Variants in RALGPS1 observed in about 807,000 individuals in gnomAD.
The protein encoded by RALGPS1 is Ral GEF with PH domain and SH3 binding motif 1, also known as ras-specific guanine nucleotide-releasing factor RalGPS1.
Under a neutral mutation model 78.8 loss-of-function variants are expected in RALGPS1, and 19 were observed. That is an observed-to-expected ratio of 0.24 (90% confidence interval 0.17 to 0.35). The LOEUF (loss-of-function observed/expected upper bound fraction) is 0.35, where lower values mean the gene tolerates loss of function less well. Among genes scored for constraint, RALGPS1 ranks in the 10% least tolerant of loss-of-function variants. The pLI is 1.00. For synonymous variants in RALGPS1, 228 were observed against 256.3 expected (o/e 0.89, Z 1.06); for missense variants, 454 against 688.3 (o/e 0.66, Z 3.81).
At chr9:126,919,699 A>G (rs1464760100) in intron 1 of RALGPS1, among the ~76,000 whole-genome samples, 2 of 152,222 alleles carry the variant, frequency 1.3e-5, no homozygotes, top group Admixed American at 6.5e-5. Context: ...ATGAGCTGCT[A>G]TGTTATTAAT....
chr9:126,989,207 T>G (rs2042064306), intron 4 of RALGPS1, among the ~76,000 whole-genome samples: 1 of 151,612 alleles, frequency 6.6e-6, no homozygotes, highest in Non-Finnish European at 1.5e-5. Flanking sequence ...GATTTCAGAG[T>G]TCAGGGTCTT....
chr9:127,190,354 G>T (rs746074128), intron 11 of RALGPS1, among the ~76,000 whole-genome samples: 10 of 152,092 alleles, frequency 6.6e-5, no homozygotes, highest in Non-Finnish European at 1.2e-4. Flanking sequence ...TTGAGACAGG[G>T]TCTCAGTTGC....
intron 4 of RALGPS1, among the ~76,000 whole-genome samples, chr9:127,009,338 A>T (rs886170537): frequency 6.6e-6 from 1 of 151,982 alleles, no homozygotes; most frequent in Non-Finnish European, 1.5e-5. Flanking sequence ...GGGATCATCC[A>T]TCTCCCTTTA....
intron 2 of RALGPS1, among the ~76,000 whole-genome samples, chr9:126,965,056 A>G (rs1208506949): frequency 1.3e-5 from 2 of 152,214 alleles, no homozygotes; most frequent in Non-Finnish European, 2.9e-5. Flanking sequence ...TATATTCAAC[A>G]TTCTGGGATC....
intron 1 of RALGPS1, among the ~76,000 whole-genome samples, chr9:126,940,379 T>C (rs949646986): frequency 1.3e-5 from 2 of 151,894 alleles, no homozygotes; most frequent in Non-Finnish European, 2.9e-5. Context: ...TACTGAATAG[T>C]GTTTATGTTT....
At chr9:127,059,502 T>C (rs1483157784) in intron 7 of RALGPS1, among the ~76,000 whole-genome samples, 1 of 152,196 alleles carries the variant, frequency 6.6e-6, no homozygotes, top group African/African-American at 2.4e-5. Flanking sequence ...AAAATCTCTT[T>C]TCCCTTGGCT....
intron 8 of RALGPS1, among the ~76,000 whole-genome samples, chr9:127,142,571 C>T (rs756545930): frequency 6.6e-5 from 10 of 152,124 alleles, no homozygotes; most frequent in Non-Finnish European, 1.2e-4. Flanking sequence ...GGACTCCCTC[C>T]GCAGGAGGGC....
intron 3 of RALGPS1, among the ~76,000 whole-genome samples, chr9:126,968,347 G>A (rs1453538290): frequency 4.6e-5 from 7 of 152,222 alleles, no homozygotes; most frequent in East Asian, 1.9e-4. Context: ...CATATCATTT[G>A]CTCCCAATTT....
chr9:127,110,408 T>C (rs2054681497), intron 8 of RALGPS1, among the ~76,000 whole-genome samples: 1 of 152,228 alleles, frequency 6.6e-6, no homozygotes, highest in South Asian at 2.1e-4. Flanking sequence ...CTCATATTCC[T>C]GTCCTTTCTC....
intron 5 of RALGPS1, among the ~76,000 whole-genome samples, chr9:127,046,458 A>G (rs1448450956): frequency 6.6e-6 from 1 of 152,182 alleles, no homozygotes; most frequent in Non-Finnish European, 1.5e-5. Flanking sequence ...TAGGGAGACT[A>G]TACCTTAAAC....
chr9:126,998,289 C>T (rs1177881403), intron 4 of RALGPS1, among the ~76,000 whole-genome samples: 1 of 152,068 alleles, frequency 6.6e-6, no homozygotes, highest in Non-Finnish European at 1.5e-5. Flanking sequence ...AGGGCTAATA[C>T]CTAGAATCTA....
intron 7 of RALGPS1, among the ~76,000 whole-genome samples, chr9:127,063,348 C>T (rs1444805340): frequency 1.3e-5 from 2 of 152,144 alleles, no homozygotes; most frequent in East Asian, 1.9e-4. Flanking sequence ...CTTTTGACCT[C>T]GTGGTTTGTG....
intron 7 of RALGPS1, among the ~76,000 whole-genome samples, chr9:127,054,180 G>A (rs1054985012): frequency 6.6e-6 from 1 of 152,212 alleles, no homozygotes; most frequent in Non-Finnish European, 1.5e-5. Context: ...AAGCAAGTTT[G>A]GAAGCCACCG....
At chr9:126,946,741 C>T (rs2037310540) in intron 1 of RALGPS1, among the ~76,000 whole-genome samples, 1 of 151,946 alleles carries the variant, frequency 6.6e-6, no homozygotes, top group African/African-American at 2.4e-5. Flanking sequence ...GTAGACCACC[C>T]TCATTTCTTC....
chr9:127,022,371 A>G (rs2045537742), intron 4 of RALGPS1, among the ~76,000 whole-genome samples: 1 of 152,120 alleles, frequency 6.6e-6, no homozygotes, highest in Admixed American at 6.5e-5. Flanking sequence ...TGATTCTAGT[A>G]TAGTAGAAGG....
chr9:126,960,595 G>A (rs1402981388), intron 1 of RALGPS1, among the ~76,000 whole-genome samples: 2 of 152,062 alleles, frequency 1.3e-5, no homozygotes, highest in Non-Finnish European at 2.9e-5. Flanking sequence ...GGACCTGGGA[G>A]GGTTGCAGAT....
chr9:126,989,158 G>A (rs2042060342), intron 4 of RALGPS1, among the ~76,000 whole-genome samples: 2 of 152,156 alleles, frequency 1.3e-5, no homozygotes, highest in African/African-American at 4.8e-5. Context: ...ATTTGGTTAG[G>A]GGAAGGGGAG....
At chr9:127,080,515 G>A (rs1214618366) in intron 8 of RALGPS1, among the ~76,000 whole-genome samples, 1 of 152,158 alleles carries the variant, frequency 6.6e-6, no homozygotes, top group Non-Finnish European at 1.5e-5. Flanking sequence ...ATGATATTGT[G>A]CTTTTTAACC....
At chr9:126,981,227 G>A (rs1011437338) in intron 4 of RALGPS1, among the ~76,000 whole-genome samples, 1 of 152,226 alleles carries the variant, frequency 6.6e-6, no homozygotes, top group African/African-American at 2.4e-5. Flanking sequence ...CTTTTGGATG[G>A]TATTCGGGAT....
Sources: gnomAD v4.1 joint callset for allele counts (sites outside exome capture counted in the v4.1 genomes callset) on GRCh38, gnomAD v4.1.1 for gene constraint, MANE v1.5 for transcripts, NCBI Gene and HGNC (gene_info 2026-07-23, HGNC 2026-07-21) for gene names.